NFIC: variants seen among roughly 807,000 people sequenced by gnomAD.
The protein encoded by NFIC is nuclear factor 1 C-type.
A neutral mutation model predicts 54.4 loss-of-function variants in NFIC; 12 were observed. The observed-to-expected ratio is 0.22, with a 90% CI of 0.14 to 0.36. The LOEUF (loss-of-function observed/expected upper bound fraction) is 0.36, where lower values mean the gene tolerates loss of function less well. Ranked by LOEUF, NFIC falls within the 10% of genes least tolerant of loss-of-function variation. The pLI is 1.00. For synonymous variants in NFIC, 322 were observed against 319.2 expected, an observed-to-expected ratio of 1.01 and a Z score of -0.09; for missense variants, 575 against 718.2, an observed-to-expected ratio of 0.80 and a Z score of 2.28.
intron 1 of NFIC, among the ~76,000 whole-genome samples, chr19:3,368,464 C>T (rs532867861): frequency 1.8e-4 from 27 of 152,312 alleles, no homozygotes; most frequent in African/African-American, 5.5e-4. Flanking sequence ...AACCAAAAAA[C>T]GGAGAGGCTA....
chr19:3,410,927 C>T (rs1490878601), intron 2 of NFIC: 1 of 152,264 alleles, frequency 6.6e-6, no homozygotes. Context: ...ACGCAGGTTT[C>T]AGGGTGCAGC....
intron 4 of NFIC, among the ~76,000 whole-genome samples, chr19:3,434,040 A>G (rs1210545522): frequency 6.6e-6 from 1 of 152,126 alleles, no homozygotes; most frequent in Non-Finnish European, 1.5e-5. Flanking sequence ...AGATCAGCAG[A>G]GCCTGGCCTC....
chr19:3,359,966 C>T (rs2080788824), intron 1 of NFIC, among the ~76,000 whole-genome samples: 1 of 150,084 alleles, frequency 6.7e-6, no homozygotes, highest in Admixed American at 6.6e-5. Flanking sequence ...GCGGGGCTCC[C>T]CGGAGAAGGC....
chr19:3,464,179 C>T lies in NFIC; in HGVS notation c.*1410C>T. The T allele has an allele frequency of 1.0e-6, 1 of 984,264 alleles. No homozygotes were observed. Among genetic ancestry groups the T allele is most frequent in the Non-Finnish European group, 1.2e-6 (1 of 829,924 alleles). 61.0% of individuals were successfully genotyped at this position (984,264 alleles called of 1,614,324 possible). A position where few individuals can be genotyped will look rare whatever the true frequency, so the allele number is the denominator to read the frequency against. ...CCGTTTGCACTTTCATCGCCTACCCCGACGCGGGGCCCAGCTGCGGGACGT... is the reference window on the plus strand; with the variant it reads ...CCGTTTGCACTTTCATCGCCTACCCTGACGCGGGGCCCAGCTGCGGGACGT... On this transcript the variant is annotated 3_prime_UTR_variant, in exon 11 of 11. Transcript: ENST00000443272.
rs556766862 is a variant in NFIC at position 3,401,973 on chromosome 19, C to T, written c.562+19730C>T. Among the ~76,000 whole-genome samples the T allele has an allele frequency of 3.3e-5, 5 of 152,224 alleles. No individual in the cohort carries two copies. The South Asian group carries it at 6.2e-4, about 19-fold the overall frequency. ...CTGAACTCAATTGATCCAACCGCCTCGACCTCCCAAAGTTCTAGGATTACA... is the reference window on the plus strand; with the variant it reads ...CTGAACTCAATTGATCCAACCGCCTTGACCTCCCAAAGTTCTAGGATTACA... On this transcript the variant is annotated intron_variant, in intron 2 of 10. Coordinates refer to ENST00000443272, the MANE Select transcript of NFIC (RefSeq NM_001245002.2).
rs557529131 is a variant in NFIC at position 3,459,968 on chromosome 19, C to T, written c.1510-2784C>T. ...CCAGTTCCAGAGGCACAGCCCTCCC[C>T]TCACAGTCCACCCTGGATGCTCCAT... On this transcript the variant is annotated intron_variant, in intron 10 of 10. Transcript: ENST00000443272. The surrounding 1 kb of genome is among the most constrained non-coding windows in gnomAD (Gnocchi z 4.2). 5.2e-4 allele frequency among the ~76,000 whole-genome samples: 79 copies of T among 152,330 alleles called. No homozygotes were observed. Among genetic ancestry groups the T allele is most frequent in the Admixed American group, 1.4e-3 (21 of 15,298 alleles).
At chr19:3,378,670 A>T (rs891761143) in intron 1 of NFIC, among the ~76,000 whole-genome samples, 2 of 152,096 alleles carry the variant, frequency 1.3e-5, no homozygotes, top group African/African-American at 4.8e-5. Context: ...ATGATTTGGG[A>T]GTAGGTTGAA....
chr19:3,463,957 G>C lies in NFIC; in HGVS notation c.*1188G>C, dbSNP rs889696510. On this transcript the variant is annotated 3_prime_UTR_variant, in exon 11 of 11. Coordinates refer to ENST00000443272, the MANE Select transcript of NFIC (RefSeq NM_001245002.2). ...CCCTCCAGTCAACCCTCATCGCCGT[G>C]CCCCCCCAGAGCTAGAGAGATGGGG... 2 of 983,482 alleles carry C rather than the reference G, an allele frequency of 2.0e-6. No individual in the cohort carries two copies. Among genetic ancestry groups the C allele is most frequent in the African/African-American group, 1.8e-5 (1 of 56,602 alleles). 60.9% of individuals were successfully genotyped at this position (983,482 alleles called of 1,614,324 possible). A position where few individuals can be genotyped will look rare whatever the true frequency, so the allele number is the denominator to read the frequency against.
rs1176215106 is a variant in NFIC, at chr19:3,467,789, A to ATATATATATATATATATATC, written c.*5020_*5021insTATATATATATATATATATC. 1 of 129,366 alleles carries ATATATATATATATATATATC rather than the reference A, an allele frequency of 7.7e-6. No homozygotes were observed. Among genetic ancestry groups the ATATATATATATATATATATC allele is most frequent in the African/African-American group, 3.1e-5 (1 of 31,964 alleles). 8.0% of individuals were successfully genotyped at this position (129,366 alleles called of 1,614,324 possible). ...TATATATATATATATATATATATATAATTTTGGAATTTGTTTCTCATAATA... is the reference window on the plus strand; with the variant it reads ...TATATATATATATATATATATATATATATATATATATATATATATCATTTTGGAATTTGTTTCTCATAATA... On this transcript the variant is annotated 3_prime_UTR_variant, in exon 11 of 11. Transcript: ENST00000443272.
intron 9 of NFIC, chr19:3,454,407 T>C (rs2082519544): frequency 9.1e-6 from 3 of 329,706 alleles, no homozygotes; most frequent in Non-Finnish European, 1.3e-5. Flanking sequence ...CCCAGTTCCT[T>C]TGGGTGACCT....
chr19:3,392,811 C>G (rs1160953055), intron 2 of NFIC, among the ~76,000 whole-genome samples: 3 of 152,222 alleles, frequency 2.0e-5, no homozygotes, highest in Non-Finnish European at 4.4e-5. Flanking sequence ...AGGGGTGAAG[C>G]AGAGGGCATT....
chr19:3,439,252 T>G (rs2082253599), intron 6 of NFIC, among the ~76,000 whole-genome samples: 1 of 141,432 alleles, frequency 7.1e-6, no homozygotes, highest in South Asian at 2.2e-4. Flanking sequence ...AGAGGATTGC[T>G]TAAGACGGGA....
intron 6 of NFIC, among the ~76,000 whole-genome samples, chr19:3,440,200 G>C (rs2082271585): frequency 1.3e-5 from 2 of 152,150 alleles, no homozygotes; most frequent in Non-Finnish European, 2.9e-5. Context: ...TTTGGGGCCA[G>C]ACCATCCTCT....
chr19:3,367,347 C>CGATTCTGGATTCTG (rs574903375), intron 1 of NFIC, among the ~76,000 whole-genome samples: 5 of 152,316 alleles, frequency 3.3e-5, no homozygotes, highest in African/African-American at 7.2e-5. Flanking sequence ...TTCGCTGCAT[C>CGATTCTGGATTCTG]GATTCTGGAT....
At chr19:3,402,132 G>A (rs544168848) in intron 2 of NFIC, among the ~76,000 whole-genome samples, 4 of 151,988 alleles carry the variant, frequency 2.6e-5, no homozygotes, top group South Asian at 2.1e-4. Context: ...TGCAACCTCC[G>A]CCTCCAGGGT....
rs1248578329 is a variant in NFIC, at chr19:3,466,078, T to G, written c.*3309T>G. On this transcript the variant is annotated 3_prime_UTR_variant, in exon 11 of 11. Transcript: ENST00000443272. The surrounding 1 kb of genome is among the most constrained non-coding windows in gnomAD (Gnocchi z 4.8). ...TATATGCAATATCTGTCTGTCTGTC[T>G]GTACCCATGGGCCTGGCTCAGCCAT... is the stretch of plus-strand genomic sequence containing the variant. The G allele has an allele frequency of 2.0e-5, 3 of 152,240 alleles. No individual in the cohort carries two copies. In the South Asian group the frequency reaches 6.2e-4, roughly 32 times the overall value. The allele number at this position is 152,240 out of a possible 1,614,324, so 9.4% of individuals were successfully genotyped here.
intron 3 of NFIC, among the ~76,000 whole-genome samples, chr19:3,431,312 C>T (rs925069531): frequency 6.6e-6 from 1 of 150,562 alleles, no homozygotes; most frequent in African/African-American, 2.4e-5. Context: ...GTGTGAGCTA[C>T]CACTACTGCG....
In NFIC at chr19:3,455,486, C is replaced by T. The variant is rs145794043; in HGVS notation, c.1424-1064C>T. On this transcript the variant is annotated intron_variant, in intron 9 of 10. Transcript: ENST00000443272. ...GGCTCGGTGGGATTATGCCCAGAGC[C>T]TGGCATACAGTAGACACTTAATAGG... Among the ~76,000 whole-genome samples the T allele has an allele frequency of 8.4e-3, 1,261 of 150,530 alleles. 8 individuals carry two copies. Among genetic ancestry groups the T allele is most frequent in the Middle Eastern group, 0.043 (12 of 278 alleles).
At chr19:3,433,358 C>A (rs1215988730) in intron 3 of NFIC, among the ~76,000 whole-genome samples, 160 bp from the exon 4 acceptor site, 1 of 152,224 alleles carries the variant, frequency 6.6e-6, no homozygotes, top group East Asian at 1.9e-4. Flanking sequence ...CCCACGGGGC[C>A]TTCCCCATCA....
Sources: allele counts gnomAD v4.1 joint callset (sites outside exome capture counted in the v4.1 genomes callset), GRCh38; gene constraint gnomAD v4.1.1; non-coding constraint Gnocchi (gnomAD v3.1); transcripts MANE v1.5; gene names NCBI Gene and HGNC (gene_info 2026-07-23, HGNC 2026-07-21).